The following CA10 variants were observed in gnomAD, a reference collection of about 807,000 sequenced individuals.
CA10 encodes the protein carbonic anhydrase 10 (inactive), also known as carbonic anhydrase-related protein 10.
CA10 carries 14 observed loss-of-function variants against 44.2 expected under a neutral mutation model. That is an observed-to-expected ratio of 0.32 (90% CI 0.21 to 0.50). The LOEUF (loss-of-function observed/expected upper bound fraction) is 0.50. Among genes scored for constraint, CA10 ranks in the 20% least tolerant of loss-of-function variants. The pLI is 0.99. For missense variants in CA10, 350 were observed against 409.7 expected (o/e 0.85, Z 1.26); for synonymous variants, 159 against 141.6 (o/e 1.12, Z -0.87).
intron 5 of CA10, among the ~76,000 whole-genome samples, chr17:51,650,999 C>T (rs1346057021): frequency 6.6e-6 from 1 of 152,162 alleles, no homozygotes; most frequent in Non-Finnish European, 1.5e-5. Context: ...CCTGTGGTCA[C>T]AGCAAGGGTG....
chr17:51,809,587 C>T (rs1420028976), intron 3 of CA10, among the ~76,000 whole-genome samples: 1 of 152,158 alleles, frequency 6.6e-6, no homozygotes, highest in Non-Finnish European at 1.5e-5. Flanking sequence ...ATCCTGGTAT[C>T]GAGGACCATC....
At chr17:51,694,668 C>A (rs939017700) in intron 4 of CA10, among the ~76,000 whole-genome samples, 14 of 152,024 alleles carry the variant, frequency 9.2e-5, no homozygotes, top group Middle Eastern at 3.2e-3. Context: ...TTCGGTCCCA[C>A]TTGTCAATTT....
At chr17:51,974,223 A>G (rs1440337790) in intron 2 of CA10, among the ~76,000 whole-genome samples, 1 of 151,988 alleles carries the variant, frequency 6.6e-6, no homozygotes, top group East Asian at 1.9e-4. Flanking sequence ...GTCTCTACTA[A>G]AAATACAAAA....
At chr17:52,116,997 C>G (rs760759765) in intron 1 of CA10, among the ~76,000 whole-genome samples, 2 of 152,118 alleles carry the variant, frequency 1.3e-5, no homozygotes, top group Non-Finnish European at 1.5e-5. Flanking sequence ...ACATCAGCTG[C>G]TTGGCATGGC....
intron 3 of CA10, among the ~76,000 whole-genome samples, chr17:51,847,717 G>A (rs1338437129): frequency 6.6e-6 from 1 of 152,118 alleles, no homozygotes; most frequent in African/African-American, 2.4e-5. Flanking sequence ...AATGCATTAG[G>A]CTTCATCTGG....
At chr17:51,667,049 T>C (rs1054272803) in intron 4 of CA10, among the ~76,000 whole-genome samples, 3 of 152,234 alleles carry the variant, frequency 2.0e-5, no homozygotes, top group Non-Finnish European at 4.4e-5. Context: ...AGGAACTAAT[T>C]TGAACAATCC....
chr17:51,633,942 G>T (rs967648560), intron 7 of CA10, among the ~76,000 whole-genome samples: 1 of 152,196 alleles, frequency 6.6e-6, no homozygotes, highest in Non-Finnish European at 1.5e-5. Flanking sequence ...AGCAAATCTG[G>T]TTAGGTTTCT....
At chr17:51,950,345 T>G (rs150618038) in intron 2 of CA10, among the ~76,000 whole-genome samples, 72 of 152,264 alleles carry the variant, frequency 4.7e-4, no homozygotes, top group Non-Finnish European at 9.4e-4. Context: ...TCCTTTTCTG[T>G]GCCCTGGGAG....
At chr17:52,132,026 G>C (rs1429592026) in intron 1 of CA10, among the ~76,000 whole-genome samples, 1 of 151,846 alleles carries the variant, frequency 6.6e-6, no homozygotes, top group African/African-American at 2.4e-5. Context: ...GGGGGAAAGG[G>C]GGAGGGATAG....
chr17:51,660,164 CTAAG>C, intron 4 of CA10, among the ~76,000 whole-genome samples: 1 of 152,108 alleles, frequency 6.6e-6, no homozygotes. Context: ...TGAACAACTC[CTAAG>C]TAAGGGAGGG....
chr17:51,858,369 G>A lies in CA10; in HGVS notation c.279+72621C>T, dbSNP rs561745685. On this transcript the variant is annotated intron_variant, in intron 3 of 8. Transcript: ENST00000451037. The stretch of plus-strand genomic sequence containing the variant: ...TTTTCACTGGGACAACGAGGAAAAT[G>A]TGCCCGTGCAGAGACAAGGAGTCCC... Among the ~76,000 whole-genome samples the A allele has an allele frequency of 7.2e-5, 11 of 152,246 alleles. No homozygotes were observed. The East Asian group carries it at 2.1e-3, about 29-fold the overall frequency.
chr17:51,877,358 T>C (rs1598095272), intron 3 of CA10, among the ~76,000 whole-genome samples: 2 of 152,368 alleles, frequency 1.3e-5, no homozygotes, highest in Admixed American at 6.5e-5. Context: ...TACTATGTGA[T>C]AGACTCATTG....
chr17:51,879,261 T>C (rs1330822600), intron 3 of CA10, among the ~76,000 whole-genome samples: 1 of 152,156 alleles, frequency 6.6e-6, no homozygotes, highest in African/African-American at 2.4e-5. Context: ...TTTTCATGTG[T>C]AGCTCTATTT....
chr17:51,894,186 T>C (rs1980974824), intron 3 of CA10, among the ~76,000 whole-genome samples: 2 of 152,180 alleles, frequency 1.3e-5, no homozygotes, highest in African/African-American at 4.8e-5. Flanking sequence ...AAGAAGAGGC[T>C]TTCTCAGCAA....
At chr17:51,820,420 C>CCG (rs1567850527) in intron 3 of CA10, among the ~76,000 whole-genome samples, 1 of 78,320 alleles carries the variant, frequency 1.3e-5, no homozygotes, top group Admixed American at 1.3e-4. Context: ...CCCCCCCCCG[C>CCG]CCGCCGATTT....
At chr17:51,661,905 A>T (rs1393482697) in intron 4 of CA10, 4 of 152,244 alleles carry the variant, frequency 2.6e-5, no homozygotes, top group Non-Finnish European at 5.9e-5. Context: ...TACCTGTCAC[A>T]ACTACTCAAT....
At chr17:51,635,782 G>A (rs1912798704) in intron 7 of CA10, 73 bp downstream of exon 7, 13 of 1,188,708 alleles carry the variant, frequency 1.1e-5, no homozygotes, top group Non-Finnish European at 1.3e-5. Flanking sequence ...ATTATAATAG[G>A]CACTCCACAT....
chr17:51,831,709 CAGCAGCAGCAGCAGCAGCAGCAGA>C (rs1281264351), intron 3 of CA10, among the ~76,000 whole-genome samples: 3 of 100,722 alleles, frequency 3.0e-5, no homozygotes, highest in African/African-American at 9.7e-5. Flanking sequence ...GCAGCAGCAG[CAGCAGCAGCAGCAGCAGCAGCAGA>C]AAAAGACCTT....
intron 1 of CA10, chr17:52,135,015 C>A (rs1433461144): frequency 1.9e-6 from 1 of 516,542 alleles, no homozygotes; most frequent in East Asian, 5.5e-5. Flanking sequence ...ACCCAGACTG[C>A]CACCAGAGCC....
Sources: allele counts gnomAD v4.1 joint callset (sites outside exome capture counted in the v4.1 genomes callset), GRCh38; gene constraint gnomAD v4.1.1; transcripts MANE v1.5; gene names NCBI Gene and HGNC (gene_info 2026-07-23, HGNC 2026-07-21).